The following STX8 variants were observed in gnomAD, a reference collection of about 807,000 sequenced individuals.
STX8 encodes the protein syntaxin 8.
Under a neutral mutation model 37.5 loss-of-function variants are expected in STX8, and 23 were observed. That is an observed-to-expected ratio of 0.61 (90% CI 0.44 to 0.87). The LOEUF (loss-of-function observed/expected upper bound fraction) is 0.87. STX8 is among the 40% of genes least tolerant of loss of function. The probability of loss-of-function intolerance (pLI) is 0.00; values close to 1 mark genes in which losing one functional copy is unlikely to be tolerated. For synonymous variants in STX8, 115 were observed against 99.1 expected (o/e 1.16, Z -0.95); for missense variants, 313 against 284.7 (o/e 1.10, Z -0.71).
chr17:9,518,490 G>C (rs1366193952), intron 4 of STX8, among the ~76,000 whole-genome samples: 1 of 152,114 alleles, frequency 6.6e-6, no homozygotes, highest in African/African-American at 2.4e-5. Context: ...TGGGTTCCTT[G>C]GGAATTCGAC....
rs1024870322 is a variant in STX8 at position 9,446,301 on chromosome 17, C to T, written c.541+45528G>A. Among the ~76,000 whole-genome samples, 12 of 152,260 alleles carry T rather than the reference C, an allele frequency of 7.9e-5. No homozygotes were observed. In the East Asian group the frequency reaches 2.3e-3, roughly 29 times the overall value. ...TTGCTGACTGACTATTCATTGGAAG[C>T]CAACTTAGCAACACTGTGCTTTATT... On this transcript the variant is annotated intron_variant, in intron 6 of 7. Transcript: ENST00000306357.
chr17:9,538,060 C>T (rs770578128), intron 4 of STX8, among the ~76,000 whole-genome samples: 3 of 152,112 alleles, frequency 2.0e-5, no homozygotes, highest in Non-Finnish European at 4.4e-5. Context: ...TTTGCTTTAC[C>T]ACATTTTTAC....
chr17:9,452,451 A>T (rs1016421456), intron 6 of STX8: 1 of 152,216 alleles, frequency 6.6e-6, no homozygotes, highest in African/African-American at 2.4e-5. Context: ...ACTATGATAC[A>T]GCCTGTGAGA....
intron 7 of STX8, among the ~76,000 whole-genome samples, chr17:9,285,145 T>G (rs147065879): frequency 6.6e-6 from 1 of 152,006 alleles, no homozygotes; most frequent in African/African-American, 2.4e-5. Flanking sequence ...ATCTGGACAC[T>G]ATGGATAATA....
At chr17:9,556,786 TATATATATACACATAC>T (rs1380233818) in intron 3 of STX8, 23 of 19,754 alleles carry the variant, frequency 1.2e-3, no homozygotes, top group African/African-American at 3.9e-3. Flanking sequence ...TATATATATA[TATATATATACACATAC>T]ATATATATAT....
At chr17:9,334,560 G>T (rs368253433) in intron 7 of STX8, among the ~76,000 whole-genome samples, 1 of 152,164 alleles carries the variant, frequency 6.6e-6, no homozygotes, top group East Asian at 1.9e-4. Flanking sequence ...GGCGGTTTCG[G>T]CTTGGGAAGT....
At chr17:9,359,754 C>T (rs914457430) in intron 7 of STX8, among the ~76,000 whole-genome samples, 14 of 151,996 alleles carry the variant, frequency 9.2e-5, no homozygotes, top group African/African-American at 3.4e-4. Flanking sequence ...GTGATCCGCC[C>T]GCCTTGGCCT....
chr17:9,256,808 C>T (rs750876494), intron 7 of STX8, among the ~76,000 whole-genome samples: 1 of 152,196 alleles, frequency 6.6e-6, no homozygotes, highest in Non-Finnish European at 1.5e-5. Flanking sequence ...ACATCGTACT[C>T]GGTCACGTGT....
chr17:9,556,766 T>TATATACATAC (rs1370271339), intron 3 of STX8: 25 of 32,316 alleles, frequency 7.7e-4, no homozygotes, highest in African/African-American at 3.1e-3. Flanking sequence ...TATATATATA[T>TATATACATAC]ATATATATAT....
intron 7 of STX8, among the ~76,000 whole-genome samples, chr17:9,275,763 G>T (rs1407192641): frequency 6.6e-6 from 1 of 151,940 alleles, no homozygotes; most frequent in African/African-American, 2.4e-5. Flanking sequence ...AGCTACTCGG[G>T]AGGCTGAGGC....
intron 7 of STX8, among the ~76,000 whole-genome samples, chr17:9,351,977 C>T (rs1296628551): frequency 6.6e-6 from 1 of 151,782 alleles, no homozygotes; most frequent in African/African-American, 2.4e-5. Context: ...GGTGAGACCC[C>T]CATCTCTACA....
At chr17:9,276,423 A>G (rs1324242383) in intron 7 of STX8, among the ~76,000 whole-genome samples, 1 of 152,116 alleles carries the variant, frequency 6.6e-6, no homozygotes, top group Non-Finnish European at 1.5e-5. Context: ...ATCCCAGGCT[A>G]CAGATGTATG....
At chr17:9,331,249 G>A (rs187689817) in intron 7 of STX8, among the ~76,000 whole-genome samples, 1 of 152,212 alleles carries the variant, frequency 6.6e-6, no homozygotes, top group East Asian at 1.9e-4. Flanking sequence ...ATCCTGTTAC[G>A]CAACGATATT....
At chr17:9,464,476 T>C (rs1217394422) in intron 6 of STX8, among the ~76,000 whole-genome samples, 1 of 152,062 alleles carries the variant, frequency 6.6e-6, no homozygotes, top group Non-Finnish European at 1.5e-5. Flanking sequence ...TTTAGCAAAA[T>C]AGCACAAGAA....
chr17:9,440,276 G>A (rs1567561653), intron 6 of STX8, among the ~76,000 whole-genome samples: 1 of 152,082 alleles, frequency 6.6e-6, no homozygotes, highest in South Asian at 2.1e-4. Flanking sequence ...TACCTACCTA[G>A]TTATATGTGC....
intron 4 of STX8, among the ~76,000 whole-genome samples, chr17:9,513,348 T>C (rs1597718245): frequency 1.4e-5 from 2 of 145,244 alleles, no homozygotes; most frequent in Admixed American, 1.4e-4. Flanking sequence ...ACACAAAATA[T>C]GTGAAAGACA....
chr17:9,350,404 A>C (rs1910667035), intron 7 of STX8, among the ~76,000 whole-genome samples: 1 of 152,236 alleles, frequency 6.6e-6, no homozygotes, highest in Non-Finnish European at 1.5e-5. Flanking sequence ...AGGGGGAACT[A>C]CTGTAATGAG....
At chr17:9,561,174 T>A (rs964528079) in intron 2 of STX8, among the ~76,000 whole-genome samples, 1 of 152,176 alleles carries the variant, frequency 6.6e-6, no homozygotes, top group Non-Finnish European at 1.5e-5. Flanking sequence ...AAGGCCTTTT[T>A]AAGCATGATA....
intron 4 of STX8, among the ~76,000 whole-genome samples, chr17:9,531,821 G>GTT: frequency 6.8e-6 from 1 of 147,550 alleles, no homozygotes; most frequent in Middle Eastern, 3.6e-3. Context: ...CAGATTTCAT[G>GTT]TTTTTTTTTT....
Sources: allele counts gnomAD v4.1 joint callset (sites outside exome capture counted in the v4.1 genomes callset), GRCh38; gene constraint gnomAD v4.1.1; transcripts MANE v1.5; gene names NCBI Gene and HGNC (gene_info 2026-07-23, HGNC 2026-07-21).